NFASC: variants seen among roughly 807,000 people sequenced by gnomAD.
The protein encoded by NFASC is neurofascin homolog.
Under a neutral mutation model 147.5 loss-of-function variants are expected in NFASC, and 43 were observed. The observed-to-expected ratio is 0.29, with a 90% CI of 0.23 to 0.38. The LOEUF is 0.38. Ranked by LOEUF, NFASC falls within the 10% of genes least tolerant of loss-of-function variation. NFASC has a pLI of 1.00. For synonymous variants in NFASC, 622 were observed against 665.5 expected, an observed-to-expected ratio of 0.93 and a Z score of 1.01; for missense variants, 1,320 against 1,689.0, an observed-to-expected ratio of 0.78 and a Z score of 3.83.
intron 1 of NFASC, among the ~76,000 whole-genome samples, chr1:204,840,513 T>C (rs1675012417): frequency 1.3e-5 from 2 of 152,196 alleles, no homozygotes; most frequent in Non-Finnish European, 2.9e-5. Flanking sequence ...TCTTACAGCA[T>C]ATTACTAACA....
intron 1 of NFASC, among the ~76,000 whole-genome samples, chr1:204,854,631 A>T (rs1374355408): frequency 3.9e-5 from 6 of 152,190 alleles, no homozygotes; most frequent in Admixed American, 3.3e-4. Context: ...TCTCCAGGGC[A>T]TTCATCTCTG....
intron 1 of NFASC, among the ~76,000 whole-genome samples, chr1:204,850,382 C>G (rs1389094993): frequency 6.6e-6 from 1 of 152,210 alleles, no homozygotes; most frequent in Non-Finnish European, 1.5e-5. Context: ...CTAGAGGAGA[C>G]AAGATGCCTC....
chr1:204,883,900 G>A (rs186156816), intron 1 of NFASC, among the ~76,000 whole-genome samples: 1 of 152,296 alleles, frequency 6.6e-6, no homozygotes, highest in African/African-American at 2.4e-5. Flanking sequence ...TCTGAGACCT[G>A]AACCCGGATG....
rs1448035936 is a variant in NFASC, at chr1:204,980,302, G to C, written c.2177-68G>C. ...GAACAGACCCATCAGGTAGGACAGA[G>C]GAAGGTTCCTTACCTTGCCCTGGAA... is the stretch of plus-strand genomic sequence containing the variant. On this transcript the variant is annotated intron_variant, in intron 19 of 29. Transcript: ENST00000339876. 3.3e-6 allele frequency: 4 copies of C among 1,225,382 alleles called. No homozygotes were observed. The Admixed American group carries it at 7.0e-5, about 22-fold the overall frequency. 75.9% of individuals were successfully genotyped at this position (1,225,382 alleles called of 1,614,324 possible).
chr1:204,953,021 G>T (rs1278454712), intron 5 of NFASC, among the ~76,000 whole-genome samples: 1 of 152,204 alleles, frequency 6.6e-6, no homozygotes, highest in East Asian at 1.9e-4. Flanking sequence ...GGTTAGTCAG[G>T]GTAATGGTAA....
At chr1:204,900,067 T>A (rs4951145) in intron 1 of NFASC, among the ~76,000 whole-genome samples, 40,035 of 152,062 alleles carry the variant, frequency 0.26, 8,663 homozygotes, top group East Asian at 0.72. Context: ...ATTGTTGAGG[T>A]GGAGATGGCT....
Position 205,009,662 on chromosome 1 carries a change from A to G in NFASC, c.3395A>G (p.Lys1132Arg). Residue 1132 changes from lysine (K) to arginine (R), a missense_variant, in exon 28 of 30, where the codon AAG becomes AGG. By Grantham distance (26) the Lys-to-Arg change is conservative. This residue lies in a region of NFASC where 167 missense variants were observed against 233.8 expected (regional missense o/e 0.71). Coordinates refer to ENST00000339876, the MANE Select transcript of NFASC (RefSeq NM_001005388.3). ...ATCCTGCTCATCGTCTGTTTCATCA[A>G]GAGGAGTCGCGGCGGCAAGTACCCA... ...VLILLIVCFIKRSRGGKYPVR... is the reference protein window; with the variant it reads ...VLILLIVCFIRRSRGGKYPVR... 2 of 1,614,114 alleles carry G rather than the reference A, an allele frequency of 1.2e-6. No homozygotes were observed. The highest frequency in any genetic ancestry group is 1.3e-5 in the African/African-American group (1 of 75,040).
In NFASC at chr1:204,878,442, T is replaced by C. The variant is rs192219132; in HGVS notation, c.-199-42190T>C. Among the ~76,000 whole-genome samples the C allele has an allele frequency of 4.2e-4, 64 of 152,354 alleles. No homozygotes were observed. In the East Asian group the frequency reaches 0.012, roughly 28 times the overall value. Reference sequence around the variant, plus strand: ...AACTCCCTGGTCTTGTAAATGCAAATGTGCTAGAGAAATTTCCTGGATGTT... The same window carrying C: ...AACTCCCTGGTCTTGTAAATGCAAACGTGCTAGAGAAATTTCCTGGATGTT... On this transcript the variant is annotated intron_variant, in intron 1 of 29. Transcript: ENST00000339876.
intron 1 of NFASC, among the ~76,000 whole-genome samples, chr1:204,906,525 G>T (rs1331212612): frequency 2.0e-5 from 3 of 152,186 alleles, no homozygotes; most frequent in Admixed American, 6.5e-5. Context: ...GCGTGTATCA[G>T]TAGAACATTG....
intron 13 of NFASC, 131 bp from the exon 14 acceptor site, chr1:204,974,511 AGGCAGACCCTCCGAG>A (rs1446690988): frequency 2.0e-6 from 2 of 1,018,518 alleles, no homozygotes; most frequent in Middle Eastern, 2.3e-4. Context: ...TGGTGGCTAG[AGGCAGACCCTCCGAG>A]GCTCAGGGCT....
At chr1:204,877,004 AT>A (rs2078948787) in intron 1 of NFASC, among the ~76,000 whole-genome samples, 1 of 102,848 alleles carries the variant, frequency 9.7e-6, no homozygotes, top group Non-Finnish European at 1.8e-5. Context: ...ATGTATATAT[AT>A]ATATATATAT....
intron 2 of NFASC, among the ~76,000 whole-genome samples, chr1:204,940,298 C>G (rs959464752): frequency 6.6e-6 from 1 of 152,086 alleles, no homozygotes; most frequent in African/African-American, 2.4e-5. Flanking sequence ...ACTAAAAATA[C>G]AAAATTTAGC....
chr1:204,868,864 A>G (rs2102964741), intron 1 of NFASC, among the ~76,000 whole-genome samples: 1 of 152,296 alleles, frequency 6.6e-6, no homozygotes, highest in African/African-American at 2.4e-5. Context: ...TTCCGCTTCA[A>G]TGTGGGATCA....
intron 8 of NFASC, among the ~76,000 whole-genome samples, chr1:204,964,017 G>T (rs1441629734): frequency 6.6e-6 from 1 of 152,210 alleles, no homozygotes; most frequent in African/African-American, 2.4e-5. Flanking sequence ...TGAGTGGCAG[G>T]AGAATCTGGT....
At chr1:204,988,607 A>C (rs774542885) in intron 22 of NFASC, 26 bp from the exon 23 acceptor site, 51 of 1,607,986 alleles carry the variant, frequency 3.2e-5, no homozygotes, top group Non-Finnish European at 4.3e-5. Context: ...GCTAAAGTTT[A>C]ATTCCACTTA....
intron 1 of NFASC, among the ~76,000 whole-genome samples, chr1:204,874,082 A>G (rs1284083653): frequency 6.6e-6 from 1 of 152,212 alleles, no homozygotes; most frequent in East Asian, 1.9e-4. Flanking sequence ...GAACTAATCC[A>G]TGAAATCATT....
chr1:204,921,707 G>T (rs1280886383), intron 2 of NFASC, among the ~76,000 whole-genome samples: 2 of 152,138 alleles, frequency 1.3e-5, no homozygotes, highest in Non-Finnish European at 1.5e-5. Context: ...GTACAACAGG[G>T]ATAATAACCA....
At chr1:204,857,983 G>A (rs1459694380) in intron 1 of NFASC, among the ~76,000 whole-genome samples, 2 of 147,580 alleles carry the variant, frequency 1.4e-5, no homozygotes, top group African/African-American at 2.5e-5. Context: ...GCAATGGCGC[G>A]ATCTCAGCTT....
chr1:204,893,882 A>G (rs895516061), intron 1 of NFASC, among the ~76,000 whole-genome samples: 2 of 152,238 alleles, frequency 1.3e-5, no homozygotes, highest in Non-Finnish European at 2.9e-5. Context: ...TATGTCACCA[A>G]TTCCCATTTG....
Sources: allele counts gnomAD v4.1 joint callset (sites outside exome capture counted in the v4.1 genomes callset), GRCh38; gene constraint gnomAD v4.1.1; regional missense constraint gnomAD v4.1.1; transcripts MANE v1.5; gene names NCBI Gene and HGNC (gene_info 2026-07-23, HGNC 2026-07-21).